Variants in ELAPOR2 observed in about 807,000 individuals in gnomAD.
ELAPOR2 encodes endosome/lysosome-associated apoptosis and autophagy regulator family member 2.
A neutral mutation model predicts 120.7 loss-of-function variants in ELAPOR2; 89 were observed. That is an observed-to-expected ratio of 0.74 (90% CI 0.62 to 0.88). ELAPOR2 has a LOEUF of 0.88. Among genes scored for constraint, ELAPOR2 ranks in the 40% least tolerant of loss-of-function variants. The pLI is 0.00. For synonymous variants in ELAPOR2, 444 were observed against 444.9 expected, an observed-to-expected ratio of 1.00 and a Z score of 0.03; for missense variants, 1,134 against 1,251.6, an observed-to-expected ratio of 0.91 and a Z score of 1.42.
chr7:86,951,579 A>G (rs1309028869), intron 2 of ELAPOR2, among the ~76,000 whole-genome samples: 1 of 152,214 alleles, frequency 6.6e-6, no homozygotes, highest in East Asian at 1.9e-4. Context: ...GATATTTGGT[A>G]TATACCAGGT....
chr7:86,975,668 G>A (rs561697949), intron 1 of ELAPOR2, among the ~76,000 whole-genome samples: 2 of 152,302 alleles, frequency 1.3e-5, no homozygotes, highest in Admixed American at 6.5e-5. Context: ...ATATGGACAT[G>A]CTATCTGGAC....
chr7:86,941,447 T>C (rs1328137941), intron 5 of ELAPOR2: 2 of 507,776 alleles, frequency 3.9e-6, no homozygotes, highest in African/African-American at 2.0e-5. Context: ...TTTTAACCAA[T>C]GTGTGGCAAA....
chr7:86,935,432 G>A (rs1016601339), intron 8 of ELAPOR2, among the ~76,000 whole-genome samples: 1 of 151,986 alleles, frequency 6.6e-6, no homozygotes, highest in Non-Finnish European at 1.5e-5. Flanking sequence ...TTCCCAGACT[G>A]GGTAAGAACC....
chr7:86,907,840 A>G, intron 17 of ELAPOR2, 69 bp from the exon 18 acceptor site: 2 of 784,104 alleles, frequency 2.6e-6, no homozygotes, highest in Non-Finnish European at 3.9e-6. Flanking sequence ...AAATATGGGA[A>G]TAATTGCTCT....
At chr7:87,039,619 T>C (rs893487111) in intron 1 of ELAPOR2, among the ~76,000 whole-genome samples, 3 of 152,144 alleles carry the variant, frequency 2.0e-5, no homozygotes, top group Admixed American at 1.3e-4. Flanking sequence ...AATAAATCAA[T>C]GTGATACATT....
intron 1 of ELAPOR2, among the ~76,000 whole-genome samples, chr7:86,980,725 C>T (rs1792442365): frequency 6.6e-6 from 1 of 152,060 alleles, no homozygotes; most frequent in African/African-American, 2.4e-5. Context: ...AGTATCTCTG[C>T]CAGTTCTTCC....
At chr7:87,038,837 A>C (rs1794670824) in intron 1 of ELAPOR2, among the ~76,000 whole-genome samples, 1 of 152,052 alleles carries the variant, frequency 6.6e-6, no homozygotes, top group Admixed American at 6.5e-5. Flanking sequence ...TCAAAAAAGA[A>C]AAAAAACTTT....
chr7:86,911,021 G>A (rs1472713386), intron 15 of ELAPOR2, among the ~76,000 whole-genome samples: 4 of 151,956 alleles, frequency 2.6e-5, no homozygotes, highest in African/African-American at 9.7e-5. Flanking sequence ...GAAAATAGTG[G>A]AAGCTAAAAG....
chr7:86,925,457 G>A, intron 10 of ELAPOR2, 71 bp downstream of exon 10: 1 of 1,525,862 alleles, frequency 6.6e-7, no homozygotes, highest in Non-Finnish European at 9.0e-7. Context: ...GTATGTTTTA[G>A]AGAGCTAAGT....
At chr7:86,983,711 G>A (rs1038221136) in intron 1 of ELAPOR2, among the ~76,000 whole-genome samples, 5 of 152,134 alleles carry the variant, frequency 3.3e-5, no homozygotes, top group African/African-American at 1.2e-4. Flanking sequence ...AGGAACAACT[G>A]GTACCAGCCA....
chr7:86,900,359 C>T (rs1788663555), intron 18 of ELAPOR2, among the ~76,000 whole-genome samples: 1 of 152,142 alleles, frequency 6.6e-6, no homozygotes, highest in Non-Finnish European at 1.5e-5. Context: ...TTTCCCCTGC[C>T]ACATTTTTGT....
At chr7:86,988,225 A>G (rs906535441) in intron 1 of ELAPOR2, among the ~76,000 whole-genome samples, 4 of 152,156 alleles carry the variant, frequency 2.6e-5, no homozygotes, top group Non-Finnish European at 5.9e-5. Context: ...GAGGGATAGC[A>G]CTGGGAGAAA....
Position 86,909,969 on chromosome 7 carries a change from T to C in ELAPOR2, c.2202A>G (p.Ile734Met). 1 of 1,612,696 alleles carries C rather than the reference T, an allele frequency of 6.2e-7. No individual in the cohort carries two copies. The highest frequency in any genetic ancestry group is 8.5e-7 in the Non-Finnish European group (1 of 1,179,258). The change falls in exon 16 of 22, where the codon ATA (isoleucine) becomes ATG (methionine). Residue 734 changes from isoleucine to methionine, a missense_variant. Around this residue, in one of 3 missense-constraint regions of ELAPOR2, gnomAD observed 831 missense variants for 867.6 expected, o/e 0.96. Transcript: ENST00000450689. The stretch of plus-strand genomic sequence containing the variant: ...CTATTTCTTTTACTGTAAAGTCTGT[T>C]ATATTGTTGGTACAGAGAGCCATCT... ...GKKMALCTNN[I>M]TDFTVKEIVA... is the part of the protein sequence containing the mutation.
chr7:86,976,783 T>C (rs1046436616), intron 1 of ELAPOR2, among the ~76,000 whole-genome samples: 1 of 152,146 alleles, frequency 6.6e-6, no homozygotes, highest in Non-Finnish European at 1.5e-5. Flanking sequence ...ATCACTTGGA[T>C]ATACAAAGAA....
At chr7:86,950,000 T>G (rs1319169848) in intron 2 of ELAPOR2, among the ~76,000 whole-genome samples, 1 of 149,448 alleles carries the variant, frequency 6.7e-6, no homozygotes, top group Non-Finnish European at 1.5e-5. Flanking sequence ...GAACTTGTGG[T>G]GCTTTTTCCC....
chr7:87,038,940 T>C (rs887604085), intron 1 of ELAPOR2, among the ~76,000 whole-genome samples: 2 of 150,146 alleles, frequency 1.3e-5, no homozygotes, highest in African/African-American at 4.9e-5. Flanking sequence ...ATCACAGAAA[T>C]AAATGAAATG....
At chr7:87,035,106 T>A (rs934919924) in intron 1 of ELAPOR2, among the ~76,000 whole-genome samples, 8 of 149,104 alleles carry the variant, frequency 5.4e-5, no homozygotes, top group Non-Finnish European at 8.9e-5. Context: ...AAAAAAAAAA[T>A]TGTGTGCTAG....
intron 1 of ELAPOR2, among the ~76,000 whole-genome samples, chr7:87,012,157 A>G (rs1360226501): frequency 6.6e-6 from 1 of 152,200 alleles, no homozygotes; most frequent in Non-Finnish European, 1.5e-5. Flanking sequence ...CACACCTGTA[A>G]TCCCAGCACT....
At chr7:87,034,207 C>G (rs189081108) in intron 1 of ELAPOR2, among the ~76,000 whole-genome samples, 2 of 151,978 alleles carry the variant, frequency 1.3e-5, no homozygotes, top group African/African-American at 4.8e-5. Flanking sequence ...AAGTATGGGC[C>G]CTGGTGTAGC....
Sources: gnomAD v4.1 joint callset for allele counts (sites outside exome capture counted in the v4.1 genomes callset) on GRCh38, gnomAD v4.1.1 for gene constraint, gnomAD v4.1.1 regional missense constraint, MANE v1.5 for transcripts, NCBI Gene and HGNC (gene_info 2026-07-23, HGNC 2026-07-21) for gene names.